Variants in ADGRB1 observed in about 807,000 individuals in gnomAD.
ADGRB1 encodes the protein brain-specific angiogenesis inhibitor 1.
A neutral mutation model predicts 175.7 loss-of-function variants in ADGRB1; 36 were observed. The ratio of observed to expected loss-of-function variants is 0.20; its 90% confidence interval spans 0.16 to 0.27. The LOEUF is 0.27. Among genes scored for constraint, ADGRB1 ranks in the 10% least tolerant of loss-of-function variants. The pLI, the probability that ADGRB1 is intolerant of heterozygous loss-of-function variation, is 1.00. For synonymous variants in ADGRB1, 1,054 were observed against 979.4 expected, an observed-to-expected ratio of 1.08 and a Z score of -1.42; for missense variants, 1,731 against 2,255.3, an observed-to-expected ratio of 0.77 and a Z score of 4.71.
In ADGRB1 at chr8:142,541,223, C is replaced by G. The variant is rs1441706741; in HGVS notation, c.3707-718C>G. ...CAGGGGCAGGCGGCTGGGTCAGAGT[C>G]AGCTTGGGGTTCTCCGCCAGCCAGT... is the stretch of plus-strand genomic sequence containing the variant. On this transcript the variant is annotated intron_variant, in intron 27 of 30. Transcript: ENST00000517894. Among the ~76,000 whole-genome samples the G allele has an allele frequency of 2.6e-5, 4 of 152,030 alleles. No homozygotes were observed. In the East Asian group the frequency reaches 7.7e-4, roughly 29 times the overall value.
intron 1 of ADGRB1, among the ~76,000 whole-genome samples, chr8:142,452,602 C>G (rs755229237): frequency 1.3e-5 from 2 of 152,216 alleles, no homozygotes; most frequent in Non-Finnish European, 2.9e-5. Flanking sequence ...GTCCCGAGAT[C>G]CAACGTGCCC....
intron 3 of ADGRB1, 63 bp downstream of exon 3, chr8:142,475,698 G>GT (rs1840923329): frequency 2.3e-5 from 27 of 1,198,326 alleles, no homozygotes; most frequent in South Asian, 4.2e-5. Flanking sequence ...TGAGGGAGGA[G>GT]AGGGGGGTGG....
intron 25 of ADGRB1, among the ~76,000 whole-genome samples, chr8:142,536,193 C>T (rs555332017): frequency 1.3e-5 from 2 of 151,100 alleles, no homozygotes. Context: ...TCCAGGAAGC[C>T]CTCTGTGCTT....
At chr8:142,484,256 T>C (rs1841540958) in intron 12 of ADGRB1, among the ~76,000 whole-genome samples, 1 of 152,204 alleles carries the variant, frequency 6.6e-6, no homozygotes, top group Non-Finnish European at 1.5e-5. Flanking sequence ...ATTTATTTCC[T>C]GGGGCTCAGT....
In ADGRB1 at chr8:142,544,539, G is replaced by A; in HGVS notation, c.*122G>A. 4 of 1,197,112 alleles carry A rather than the reference G, an allele frequency of 3.3e-6. No individual in the cohort carries two copies. The highest frequency in any genetic ancestry group is 4.4e-6 in the Non-Finnish European group (4 of 917,172). The allele number at this position is 1,197,112 out of a possible 1,614,324, so 74.2% of individuals were successfully genotyped here. A position where few individuals can be genotyped will look rare whatever the true frequency, so the allele number is the denominator to read the frequency against. On this transcript the variant is annotated 3_prime_UTR_variant, in exon 31 of 31. Coordinates refer to ENST00000517894, the MANE Select transcript of ADGRB1 (RefSeq NM_001702.3). ...GCCAGGCCCGCACCCCGGCCTCAGGGCGCTCAGACGGCGGCCAGGCACAGG... is the reference window on the plus strand; with the variant it reads ...GCCAGGCCCGCACCCCGGCCTCAGGACGCTCAGACGGCGGCCAGGCACAGG...
intron 1 of ADGRB1, among the ~76,000 whole-genome samples, chr8:142,457,873 G>C (rs939674309): frequency 2.0e-5 from 3 of 152,190 alleles, no homozygotes; most frequent in African/African-American, 7.2e-5. Context: ...CTCACAGGTG[G>C]GGGACCGTGC....
intron 1 of ADGRB1, among the ~76,000 whole-genome samples, chr8:142,452,613 G>A (rs1370155109): frequency 6.6e-6 from 1 of 152,176 alleles, no homozygotes; most frequent in Non-Finnish European, 1.5e-5. Context: ...CAACGTGCCC[G>A]GTCCGCAGCG....
rs1274735452 is a variant in ADGRB1, at chr8:142,537,229, A to G, written c.3666+147A>G. The G allele has an allele frequency of 1.7e-6, 1 of 601,676 alleles. No homozygotes were observed. Among genetic ancestry groups the G allele is most frequent in the Non-Finnish European group, 2.6e-6 (1 of 388,706 alleles). 37.3% of individuals were successfully genotyped at this position (601,676 alleles called of 1,614,324 possible). On this transcript the variant is annotated intron_variant, in intron 26 of 30. Transcript: ENST00000517894. This position sits in a 1 kb window ranked among gnomAD's most constrained non-coding sequence, Gnocchi z 4.6. ...CTGAACCCAGTGTGCAGTTGGGGAA[A>G]CTGAGGCTCGCCAAGTGGAACCCCT...
intron 17 of ADGRB1, among the ~76,000 whole-genome samples, chr8:142,502,680 G>T (rs984674237): frequency 6.6e-6 from 1 of 151,444 alleles, no homozygotes; most frequent in African/African-American, 2.4e-5. Flanking sequence ...AGTAAGGGTC[G>T]CATTGTTGGT....
At chr8:142,487,478 T>C (rs1048267004) in intron 13 of ADGRB1, among the ~76,000 whole-genome samples, 1 of 152,182 alleles carries the variant, frequency 6.6e-6, no homozygotes. Context: ...AACCCTGTTC[T>C]CGGGCATCCG....
chr8:142,495,780 A>G (rs1048864452), intron 17 of ADGRB1, among the ~76,000 whole-genome samples: 1 of 152,216 alleles, frequency 6.6e-6, no homozygotes, highest in African/African-American at 2.4e-5. Context: ...CCATAACTCA[A>G]TTACATCTAC....
intron 1 of ADGRB1, among the ~76,000 whole-genome samples, chr8:142,457,042 G>A (rs571487192): frequency 2.2e-4 from 33 of 152,328 alleles, no homozygotes; most frequent in Admixed American, 1.6e-3. Context: ...GCTTCAGCAC[G>A]GGGAGCATCT....
In ADGRB1 at chr8:142,504,353, A is replaced by G. The variant is rs960754777; in HGVS notation, c.2676-6579A>G. On this transcript the variant is annotated intron_variant, in intron 17 of 30. Coordinates refer to ENST00000517894, the MANE Select transcript of ADGRB1 (RefSeq NM_001702.3). The surrounding 1 kb of genome is among the most constrained non-coding windows in gnomAD (Gnocchi z 5.6). ...GGGACCAGCCAGGACCAGGGCCTGGAGGCAGCAGAGGGCGTGTGTTTGCTG... is the reference window on the plus strand; with the variant it reads ...GGGACCAGCCAGGACCAGGGCCTGGGGGCAGCAGAGGGCGTGTGTTTGCTG... Among the ~76,000 whole-genome samples, 2 of 152,174 alleles carry G rather than the reference A, an allele frequency of 1.3e-5. No individual in the cohort carries two copies. The highest frequency in any genetic ancestry group is 2.9e-5 in the Non-Finnish European group (2 of 68,008).
rs1248080291 is a variant in ADGRB1, at chr8:142,522,670, G to A, written c.3205G>A (p.Val1069Met). 2 of 1,563,496 alleles carry A rather than the reference G, an allele frequency of 1.3e-6. No individual in the cohort carries two copies. Among genetic ancestry groups the A allele is most frequent in the Non-Finnish European group, 1.7e-6 (2 of 1,155,580 alleles). Reference sequence around the variant, plus strand: ...CCCTGCACTGGTTGTGGCCATTTCTGTGGGATTCACCAAGGCCAAAGGGTA... The same window carrying A: ...CCCTGCACTGGTTGTGGCCATTTCTATGGGATTCACCAAGGCCAAAGGGTA... ...GLPALVVAIS[V>M]GFTKAKGYST... Residue 1069 changes from valine to methionine, a missense_variant, in exon 22 of 31, where the codon GTG becomes ATG. Val to Met is a conservative substitution (Grantham distance 21, BLOSUM62 1). Transcript: ENST00000517894.
rs1845348594 is a variant in ADGRB1, at chr8:142,542,655, G to A, written c.4413+8G>A. On this transcript the variant is annotated splice_region_variant and intron_variant, in intron 28 of 30. Transcript: ENST00000517894. This position sits in a 1 kb window ranked among gnomAD's most constrained non-coding sequence, Gnocchi z 6.3. ...TCTGTGAGCTCCCTGGAGGTGAGGG[G>A]GGCAGGGGTGGGCCACACCCCAGCC... is the stretch of plus-strand genomic sequence containing the variant. 1 of 1,538,832 alleles carries A rather than the reference G, an allele frequency of 6.5e-7. No individual in the cohort carries two copies. The highest frequency in any genetic ancestry group is 8.8e-7 in the Non-Finnish European group (1 of 1,141,994).
intron 17 of ADGRB1, among the ~76,000 whole-genome samples, chr8:142,509,143 G>A (rs1418711455): frequency 6.6e-6 from 1 of 152,242 alleles, no homozygotes; most frequent in African/African-American, 2.4e-5. Context: ...ATCTCAGGAA[G>A]TGCTGCTGCT....
chr8:142,498,169 C>A (rs574885979), intron 17 of ADGRB1, among the ~76,000 whole-genome samples: 6 of 152,292 alleles, frequency 3.9e-5, no homozygotes, highest in African/African-American at 1.2e-4. Flanking sequence ...CTACCCCTGT[C>A]TCTTTCTTCC....
At chr8:142,522,519 C>T in intron 21 of ADGRB1, 122 bp from the exon 22 acceptor site, 1 of 974,618 alleles carries the variant, frequency 1.0e-6, no homozygotes, top group Non-Finnish European at 1.5e-6. Flanking sequence ...TCAGCCCCAT[C>T]CTCTGTTGGG....
At chr8:142,490,646 G>T (rs954331463) in intron 16 of ADGRB1, 126 bp from the exon 17 acceptor site, 1 of 1,125,572 alleles carries the variant, frequency 8.9e-7, no homozygotes, top group Non-Finnish European at 1.3e-6. Context: ...GCAAAACGCA[G>T]TCTGTTCAGG....
Sources: gnomAD v4.1 joint callset for allele counts (sites outside exome capture counted in the v4.1 genomes callset) on GRCh38, gnomAD v4.1.1 for gene constraint, Gnocchi (gnomAD v3.1) non-coding constraint, MANE v1.5 for transcripts, NCBI Gene and HGNC (gene_info 2026-07-23, HGNC 2026-07-21) for gene names.